The following PYHIN1 variants were observed in gnomAD, a reference collection of about 807,000 sequenced individuals.
PYHIN1 encodes pyrin and HIN domain family member 1, also known as pyrin and HIN domain-containing protein 1.
In PYHIN1, 32 loss-of-function variants were observed where a neutral mutation model predicts 43.7. That is an observed-to-expected ratio of 0.73 (90% CI 0.55 to 0.98). The LOEUF (loss-of-function observed/expected upper bound fraction) is 0.98, where lower values mean the gene tolerates loss of function less well. Among genes scored for constraint, PYHIN1 ranks in the 50% least tolerant of loss-of-function variants. PYHIN1 has a pLI of 0.00. For synonymous variants in PYHIN1, 205 were observed against 203.1 expected (o/e 1.01, Z -0.08); for missense variants, 588 against 589.5 (o/e 1.00, Z 0.03).
intron 8 of PYHIN1, 105 bp from the exon 9 acceptor site, chr1:158,976,595 GA>G: frequency 1.3e-6 from 1 of 771,512 alleles, no homozygotes; most frequent in East Asian, 2.7e-5. Flanking sequence ...GATGGAAATA[GA>G]AGAAGAGATG....
At position 158,943,879 on chromosome 1, in the gene PYHIN1, C is replaced by T. The variant is rs578100050; in HGVS notation, c.1092C>T (p.Ile364=). The change falls in exon 6 of 9, where the codon ATC becomes ATT. Residue 364 remains isoleucine, a synonymous_variant. Coordinates refer to ENST00000368140, the MANE Select transcript of PYHIN1 (RefSeq NM_152501.5). ...TAGGAAAAGGAGAATGCCACAATAT[C>T]CCCTGTGAAAAAGGAGATAAGCTTC... is the stretch of plus-strand genomic sequence containing the variant. The part of the protein sequence containing the change: ...AVVGKGECHN[I]PCEKGDKLRL... 1.9e-6 allele frequency: 3 copies of T among 1,610,384 alleles called. No individual in the cohort carries two copies. Among genetic ancestry groups the T allele is most frequent in the Non-Finnish European group, 2.5e-6 (3 of 1,177,398 alleles).
chr1:158,984,257 T>G, the PYHIN1 span, among the ~76,000 whole-genome samples: 1 of 152,118 alleles, frequency 6.6e-6, no homozygotes, highest in South Asian at 2.1e-4. Flanking sequence ...ATTTAAGATA[T>G]TTCTGACTTT....
the PYHIN1 span, among the ~76,000 whole-genome samples, chr1:158,989,561 T>C: frequency 3.3e-5 from 5 of 152,156 alleles, no homozygotes; most frequent in Non-Finnish European, 7.3e-5. Context: ...TATTTACAAG[T>C]GGAACATCAT....
Position 158,939,266 on chromosome 1 carries a change from C to G in PYHIN1, c.579+19C>G, listed in dbSNP as rs1369000991. On this transcript the variant is annotated intron_variant, in intron 4 of 8. Transcript: ENST00000368140. ...AACTGAGGTACACTCTTCCTGGTCC[C>G]CTTTTGATTCATTTTCTTCAACCCA... The G allele has an allele frequency of 6.3e-7, 1 of 1,585,808 alleles. No individual in the cohort carries two copies. Among genetic ancestry groups the G allele is most frequent in the Admixed American group, 1.8e-5 (1 of 56,228 alleles).
At chr1:158,961,914 A>C (rs1269003773) in intron 7 of PYHIN1, among the ~76,000 whole-genome samples, 2 of 152,272 alleles carry the variant, frequency 1.3e-5, no homozygotes, top group East Asian at 3.9e-4. Flanking sequence ...ACTAAGCAGC[A>C]CTGGACTCTA....
intron 4 of PYHIN1, 176 bp downstream of exon 4, chr1:158,939,423 A>T: frequency 6.4e-7 from 1 of 1,555,586 alleles, no homozygotes. Flanking sequence ...TGAACTTGAC[A>T]TTATCTCTGA....
intron 7 of PYHIN1, among the ~76,000 whole-genome samples, chr1:158,964,075 A>G (rs72704944): frequency 0.098 from 14,946 of 152,218 alleles, 908 homozygotes; most frequent in Non-Finnish European, 0.12. Context: ...AATACATTAC[A>G]AGAATTTCAT....
intron 7 of PYHIN1, among the ~76,000 whole-genome samples, chr1:158,950,384 G>A (rs1455879853): frequency 6.6e-6 from 1 of 152,146 alleles, no homozygotes; most frequent in African/African-American, 2.4e-5. Context: ...ATCCGAGGAA[G>A]CCACATTGTC....
At chr1:158,941,588 G>C (rs191503418) in intron 4 of PYHIN1, among the ~76,000 whole-genome samples, 1 of 152,216 alleles carries the variant, frequency 6.6e-6, no homozygotes, top group Admixed American at 6.5e-5. Context: ...CATTTTCAGC[G>C]CTATTCAATT....
At chr1:158,983,388 T>G in the PYHIN1 span, among the ~76,000 whole-genome samples, 3 of 152,148 alleles carry the variant, frequency 2.0e-5, no homozygotes, top group African/African-American at 7.2e-5. Context: ...CTGCATCTAT[T>G]TAGATAATCA....
intron 5 of PYHIN1, among the ~76,000 whole-genome samples, chr1:158,942,990 A>G (rs556530992): frequency 6.6e-6 from 1 of 152,310 alleles, no homozygotes; most frequent in South Asian, 2.1e-4. Context: ...CTGTACTCGT[A>G]TATTAGATAT....
intron 6 of PYHIN1, among the ~76,000 whole-genome samples, chr1:158,944,208 T>A (rs949714536): frequency 4.6e-5 from 7 of 152,194 alleles, no homozygotes; most frequent in African/African-American, 1.4e-4. Flanking sequence ...TATTAAAATA[T>A]TTGAAGAAAC....
In PYHIN1 at chr1:158,933,015, A is replaced by T. The variant is rs1468387116; in HGVS notation, c.-21+1239A>T. 3.3e-5 allele frequency among the ~76,000 whole-genome samples: 5 copies of T among 151,988 alleles called. No individual in the cohort carries two copies. Among genetic ancestry groups the T allele is most frequent in the Non-Finnish European group, 7.4e-5 (5 of 67,944 alleles). ...TATATGTTAGATAAATATTGCTATC[A>T]ATTATGTTGCTCAAATTTGTAAAAA... is the stretch of plus-strand genomic sequence containing the variant. On this transcript the variant is annotated intron_variant, in intron 1 of 8. Coordinates refer to ENST00000368140, the MANE Select transcript of PYHIN1 (RefSeq NM_152501.5). This position sits in a 1 kb window ranked among gnomAD's most constrained non-coding sequence, Gnocchi z 6.3.
chr1:158,980,171 T>G (rs572791930), downstream of PYHIN1, among the ~76,000 whole-genome samples: 35 of 152,178 alleles, frequency 2.3e-4, no homozygotes, highest in Non-Finnish European at 2.9e-4. Context: ...AAATAATACT[T>G]TTATAATTTC....
rs754011258 is a variant in PYHIN1, at chr1:158,941,990, T to C, written c.593T>C (p.Leu198Ser). Residue 198 changes from leucine to serine, a missense_variant, in exon 5 of 9, where the codon TTG becomes TCG. Transcript: ENST00000368140. ...NTSSTESLKP[L>S]ANRHATASKN... is the part of the protein sequence containing the mutation. The stretch of plus-strand genomic sequence containing the variant: ...TATCATGCGCAGAGCCTAAAACCAT[T>C]GGCCAACCGTCACGCAACTGCCAGT... 6.2e-7 allele frequency: 1 copy of C among 1,603,670 alleles called. No homozygotes were observed. The highest frequency in any genetic ancestry group is 8.5e-7 in the Non-Finnish European group (1 of 1,175,378).
At chr1:158,990,754 T>A in the PYHIN1 span, among the ~76,000 whole-genome samples, 3 of 152,210 alleles carry the variant, frequency 2.0e-5, no homozygotes, top group East Asian at 3.9e-4. Context: ...ATTCTACATA[T>A]GAATGAGTGA....
rs530154350 is a variant in PYHIN1, at chr1:158,940,934, C to T, written c.580-1043C>T. Among the ~76,000 whole-genome samples the T allele has an allele frequency of 2.0e-5, 3 of 152,168 alleles. No individual in the cohort carries two copies. In the East Asian group the frequency reaches 5.8e-4, roughly 29 times the overall value. On this transcript the variant is annotated intron_variant, in intron 4 of 8. Coordinates refer to ENST00000368140, the MANE Select transcript of PYHIN1 (RefSeq NM_152501.5). ...TGTCTCTCTGAGCAGTTATATGATC[C>T]CCTTCATGCAGGTCTTGTATTCATG...
chr1:158,962,238 T>TCAGACTC (rs1403298781), intron 7 of PYHIN1, among the ~76,000 whole-genome samples: 1 of 152,176 alleles, frequency 6.6e-6, no homozygotes, highest in African/African-American at 2.4e-5. Flanking sequence ...CCTCCTGACT[T>TCAGACTC]CAGACTCCAG....
chr1:158,978,538 A>G (rs998801308), downstream of PYHIN1, among the ~76,000 whole-genome samples: 12 of 152,270 alleles, frequency 7.9e-5, no homozygotes, highest in African/African-American at 2.9e-4. Flanking sequence ...TTTATATGCA[A>G]ATGATATTGG....
Sources: gnomAD v4.1 joint callset for allele counts (sites outside exome capture counted in the v4.1 genomes callset) on GRCh38, gnomAD v4.1.1 for gene constraint, Gnocchi (gnomAD v3.1) non-coding constraint, MANE v1.5 for transcripts, NCBI Gene and HGNC (gene_info 2026-07-23, HGNC 2026-07-21) for gene names.